The following APCDD1 variants were observed in gnomAD, a reference collection of about 807,000 sequenced individuals.
APCDD1 encodes the protein APC down-regulated 1.
Under a neutral mutation model 38.1 loss-of-function variants are expected in APCDD1, and 15 were observed. That is an observed-to-expected ratio of 0.39 (90% CI 0.26 to 0.61). The LOEUF (loss-of-function observed/expected upper bound fraction) is 0.61. Among genes scored for constraint, APCDD1 ranks in the 20% least tolerant of loss-of-function variants. The probability of loss-of-function intolerance (pLI) is 0.49; values close to 1 mark genes in which losing one functional copy is unlikely to be tolerated. For missense variants in APCDD1, 647 were observed against 696.2 expected, an observed-to-expected ratio of 0.93 and a Z score of 0.79; for synonymous variants, 261 against 279.7, an observed-to-expected ratio of 0.93 and a Z score of 0.67.
intron 1 of APCDD1, among the ~76,000 whole-genome samples, chr18:10,465,395 GT>G (rs542479194): frequency 2.0e-5 from 3 of 151,886 alleles, no homozygotes; most frequent in Admixed American, 6.6e-5. Context: ...AGCATGCTTG[GT>G]TTTTTTCTTC....
In APCDD1 at chr18:10,471,569, C is replaced by T; in HGVS notation, c.282C>T (p.Ser94=). 1 of 1,614,226 alleles carries T rather than the reference C, an allele frequency of 6.2e-7. No individual in the cohort carries two copies. The highest frequency in any genetic ancestry group is 8.5e-7 in the Non-Finnish European group (1 of 1,180,046). The change falls in exon 3 of 5, where the codon TCC becomes TCT. Residue 94 remains serine (S), a synonymous_variant. Transcript: ENST00000355285. The surrounding 1 kb of genome is among the most constrained non-coding windows in gnomAD (Gnocchi z 5.5). ...CAGGCCCAGAGTTCATCACAAGGTC[C>T]TACAGATTCTACCACAATAACACCT... ...VRSGPEFITR[S]YRFYHNNTFK... is the part of the protein sequence containing the mutation.
In APCDD1 at chr18:10,476,831, AAG is replaced by A. The variant is rs1319822024; in HGVS notation, c.774+4773_774+4774del. ...TGGGAGTACCTGAGAACTGCAGAAA[AAG>A]AGCATGCTGTGCTTTCTCTCTCAAA... On this transcript the variant is annotated intron_variant, in intron 3 of 4. Transcript: ENST00000355285. This position sits in a 1 kb window ranked among gnomAD's most constrained non-coding sequence, Gnocchi z 5.8. The A allele has an allele frequency of 2.6e-5, 4 of 152,366 alleles. No individual in the cohort carries two copies. The East Asian group carries it at 7.7e-4, about 29-fold the overall frequency. The allele number at this position is 152,366 out of a possible 1,614,324, so 9.4% of individuals were successfully genotyped here.
Position 10,472,001 on chromosome 18 carries a change from T to C in APCDD1, c.714T>C (p.Asp238=). 1 of 1,613,992 alleles carries C rather than the reference T, an allele frequency of 6.2e-7. No homozygotes were observed. Among genetic ancestry groups the C allele is most frequent in the Non-Finnish European group, 8.5e-7 (1 of 1,180,032 alleles). The part of the protein sequence containing the change: ...EELFLGDIHT[D]ATQRMFYRPS... Reference sequence around the variant, plus strand: ...TCTTCCTTGGTGACATTCACACTGATGCCACCCAGAGGATGTTCTACCGGC... The same window carrying C: ...TCTTCCTTGGTGACATTCACACTGACGCCACCCAGAGGATGTTCTACCGGC... Residue 238 remains aspartate, a synonymous_variant, in exon 3 of 5, where the codon GAT becomes GAC. Coordinates refer to ENST00000355285, the MANE Select transcript of APCDD1 (RefSeq NM_153000.5). This position sits in a 1 kb window ranked among gnomAD's most constrained non-coding sequence, Gnocchi z 6.6.
rs1403826389 is a variant in APCDD1 at position 10,468,382 on chromosome 18, ACTGT to A, written c.59-83_59-80del. 2.2e-6 allele frequency: 3 copies of A among 1,385,364 alleles called. No homozygotes were observed. The East Asian group carries it at 6.9e-5, about 32-fold the overall frequency. The allele number at this position is 1,385,364 out of a possible 1,614,324, so 85.8% of individuals were successfully genotyped here. A position where few individuals can be genotyped will look rare whatever the true frequency, so the allele number is the denominator to read the frequency against. Reference sequence around the variant, plus strand: ...AAACAATCATTTCCCACCTTCAGCCACTGTCTGCTGCAGAGGTGGTTGTTTGGCC... The same window carrying A: ...AAACAATCATTTCCCACCTTCAGCCACTGCTGCAGAGGTGGTTGTTTGGCC... On this transcript the variant is annotated intron_variant, in intron 1 of 4. Coordinates refer to ENST00000355285, the MANE Select transcript of APCDD1 (RefSeq NM_153000.5).
intron 1 of APCDD1, among the ~76,000 whole-genome samples, chr18:10,458,885 T>C (rs1335612340): frequency 6.6e-6 from 1 of 152,118 alleles, no homozygotes; most frequent in Non-Finnish European, 1.5e-5. Flanking sequence ...AAAAATCCGC[T>C]ACCATCCTGG....
At chr18:10,459,005 C>G (rs576813225) in intron 1 of APCDD1, among the ~76,000 whole-genome samples, 2 of 152,284 alleles carry the variant, frequency 1.3e-5, no homozygotes, top group South Asian at 2.1e-4. Flanking sequence ...ATGTACATCT[C>G]AAGGTTGGAG....
At position 10,471,335 on chromosome 18, in the gene APCDD1, C is replaced by G. The variant is rs2030845570; in HGVS notation, c.243-195C>G. 6.6e-6 allele frequency among the ~76,000 whole-genome samples: 1 copy of G among 152,174 alleles called. No homozygotes were observed. The highest frequency in any genetic ancestry group is 1.5e-5 in the Non-Finnish European group (1 of 68,032). On this transcript the variant is annotated intron_variant, in intron 2 of 4. Coordinates refer to ENST00000355285, the MANE Select transcript of APCDD1 (RefSeq NM_153000.5). The surrounding 1 kb of genome is among the most constrained non-coding windows in gnomAD (Gnocchi z 5.5). ...AACCTCAGTTTCCCCACCTGTAAAA[C>G]CTGGGTGATGATAATACCTAACTCC... is the stretch of plus-strand genomic sequence containing the variant.
chr18:10,456,644 A>G (rs778563108), intron 1 of APCDD1, among the ~76,000 whole-genome samples: 38 of 152,330 alleles, frequency 2.5e-4, no homozygotes, highest in Middle Eastern at 3.4e-3. Context: ...AACTCTGAAC[A>G]TGTTCTCCCT....
intron 1 of APCDD1, among the ~76,000 whole-genome samples, chr18:10,468,058 C>T (rs1001681339): frequency 1.3e-5 from 2 of 152,194 alleles, no homozygotes; most frequent in Admixed American, 6.5e-5. Flanking sequence ...CTCTCCCCAC[C>T]TCCTCCACTT....
chr18:10,459,860 G>C lies in APCDD1; in HGVS notation c.58+4821G>C, dbSNP rs553603199. On this transcript the variant is annotated intron_variant, in intron 1 of 4. Transcript: ENST00000355285. ...TTTTATGTATCACAACAATTCTAAC[G>C]AGAACACTTTTCTCAGTCTGATTAT... 7.6e-4 allele frequency among the ~76,000 whole-genome samples: 22 copies of C among 28,920 alleles called. No homozygotes were observed. In the African/African-American group the frequency reaches 9.1e-3, roughly 12 times the overall value. 19.0% of individuals were successfully genotyped at this position (28,920 alleles called of 152,430 possible). A position where few individuals can be genotyped will look rare whatever the true frequency, so the allele number is the denominator to read the frequency against.
rs755673638 is a variant in APCDD1 at position 10,468,592 on chromosome 18, A to G, written c.182A>G (p.Asn61Ser). 5.7e-5 allele frequency: 92 copies of G among 1,613,992 alleles called. No individual in the cohort carries two copies. Among genetic ancestry groups the G allele is most frequent in the Non-Finnish European group, 7.5e-5 (88 of 1,180,036 alleles). ...CATCACATGCTCAAACATCTCCACAATGGTGCAAGGATCACAGTGCAGATG... is the reference window on the plus strand; with the variant it reads ...CATCACATGCTCAAACATCTCCACAGTGGTGCAAGGATCACAGTGCAGATG... Reference protein sequence around the residue: ...QCHHMLKHLHNGARITVQMPP... With the variant: ...QCHHMLKHLHSGARITVQMPP... Residue 61 changes from asparagine to serine, a missense_variant, in exon 2 of 5, where the codon AAT (asparagine) becomes AGT (serine). Asn to Ser is a conservative substitution (Grantham distance 46). Coordinates refer to ENST00000355285, the MANE Select transcript of APCDD1 (RefSeq NM_153000.5).
chr18:10,486,513 C>G (rs1179483143), intron 4 of APCDD1, among the ~76,000 whole-genome samples: 2 of 152,110 alleles, frequency 1.3e-5, no homozygotes, highest in African/African-American at 4.8e-5. Context: ...CTCAGGTGCT[C>G]AGAGCTGTCC....
rs772185582 is a variant in APCDD1, at chr18:10,487,952, C to T, written c.1459C>T (p.Arg487Trp). 29 of 1,613,544 alleles carry T rather than the reference C, an allele frequency of 1.8e-5. No individual in the cohort carries two copies. The highest frequency in any genetic ancestry group is 6.6e-5 in the South Asian group (6 of 91,042). Residue 487 changes from arginine (R) to tryptophan (W), a missense_variant, in exon 5 of 5, where the codon CGG becomes TGG. By Grantham distance (101) the Arg-to-Trp change is moderately radical. Transcript: ENST00000355285. ...AEDSGSSLYG[R>W]APGRHTWSLL... is the part of the protein sequence containing the mutation. The stretch of plus-strand genomic sequence containing the variant: ...AGACAGTGGAAGCAGCCTGTATGGC[C>T]GGGCCCCTGGGAGGCACACCTGGTC...
Position 10,471,567 on chromosome 18 carries a change from T to C in APCDD1, c.280T>C (p.Ser94Pro). The change falls in exon 3 of 5, where the codon TCC becomes CCC. Residue 94 changes from serine (S) to proline (P), a missense_variant. Physicochemically the swap from Ser to Pro is moderately conservative, Grantham distance 74 (BLOSUM62 -1). Transcript: ENST00000355285. The surrounding 1 kb of genome is among the most constrained non-coding windows in gnomAD (Gnocchi z 5.5). ...GTCAGGCCCAGAGTTCATCACAAGG[T>C]CCTACAGATTCTACCACAATAACAC... is the stretch of plus-strand genomic sequence containing the variant. Reference protein sequence around the residue: ...VRSGPEFITRSYRFYHNNTFK... With the variant: ...VRSGPEFITRPYRFYHNNTFK... 1.3e-5 allele frequency: 21 copies of C among 1,614,210 alleles called. No individual in the cohort carries two copies. Among genetic ancestry groups the C allele is most frequent in the Non-Finnish European group, 1.8e-5 (21 of 1,180,028 alleles).
In APCDD1 at chr18:10,487,753, G is replaced by A. The variant is rs775062125; in HGVS notation, c.1260G>A (p.Thr420=). Residue 420 remains threonine, a synonymous_variant, in exon 5 of 5, where the codon ACG becomes ACA. Transcript: ENST00000355285. ...CCCTGGGCATCAAACTACCTCACAC[G>A]GAGTACGAGATCTTCAAAATGGAAC... ...CVALGIKLPH[T]EYEIFKMEQD... 2.0e-5 allele frequency: 33 copies of A among 1,614,038 alleles called. No homozygotes were observed. The highest frequency in any genetic ancestry group is 4.0e-5 in the African/African-American group (3 of 74,934).
At chr18:10,486,990 GC>G (rs1426323839) in intron 4 of APCDD1, among the ~76,000 whole-genome samples, 1 of 152,182 alleles carries the variant, frequency 6.6e-6, no homozygotes, top group Non-Finnish European at 1.5e-5. Context: ...CACGGAAGTG[GC>G]CCCCTGGAGG....
chr18:10,456,957 A>G lies in APCDD1; in HGVS notation c.58+1918A>G, dbSNP rs140300441. On this transcript the variant is annotated intron_variant, in intron 1 of 4. Coordinates refer to ENST00000355285, the MANE Select transcript of APCDD1 (RefSeq NM_153000.5). Reference sequence around the variant, plus strand: ...ACCGTGTGCGTGCTGGTATGTGTGTATGCATTTGTGTGTACACATATGTGC... The same window carrying G: ...ACCGTGTGCGTGCTGGTATGTGTGTGTGCATTTGTGTGTACACATATGTGC... 2.5e-3 allele frequency among the ~76,000 whole-genome samples: 388 copies of G among 152,346 alleles called. 2 individuals carry two copies. The highest frequency in any genetic ancestry group is 8.8e-3 in the African/African-American group (365 of 41,564).
intron 1 of APCDD1, among the ~76,000 whole-genome samples, chr18:10,460,631 A>G (rs1339334597): frequency 1.3e-5 from 2 of 152,094 alleles, no homozygotes; most frequent in African/African-American, 4.8e-5. Context: ...TTTTTCCTGT[A>G]TATGTCGCAA....
chr18:10,471,689 C>T lies in APCDD1; in HGVS notation c.402C>T (p.Ser134=). ...IRGKIRLRQA[S]WIIRGGTEAD... is the part of the protein sequence containing the mutation. ...GCAAGATCCGCCTCCGCCAGGCCTC[C>T]TGGATCATCCGAGGGGGCACGGAAG... is the stretch of plus-strand genomic sequence containing the variant. Residue 134 remains serine, a synonymous_variant, in exon 3 of 5, where the codon TCC becomes TCT. Transcript: ENST00000355285. The surrounding 1 kb of genome is among the most constrained non-coding windows in gnomAD (Gnocchi z 5.5). 6.2e-7 allele frequency: 1 copy of T among 1,614,196 alleles called. No individual in the cohort carries two copies. Among genetic ancestry groups the T allele is most frequent in the Non-Finnish European group, 8.5e-7 (1 of 1,180,050 alleles).
Sources: gnomAD v4.1 joint callset for allele counts (sites outside exome capture counted in the v4.1 genomes callset) on GRCh38, gnomAD v4.1.1 for gene constraint, Gnocchi (gnomAD v3.1) non-coding constraint, MANE v1.5 for transcripts, NCBI Gene and HGNC (gene_info 2026-07-23, HGNC 2026-07-21) for gene names.